PARD3: variants seen among roughly 807,000 people sequenced by gnomAD.
PARD3 encodes par-3 family cell polarity regulator, also known as partitioning defective 3 homolog.
Under a neutral mutation model 155.4 loss-of-function variants are expected in PARD3, and 75 were observed. That is an observed-to-expected ratio of 0.48 (90% CI 0.40 to 0.58). The LOEUF (loss-of-function observed/expected upper bound fraction) is 0.58. Among genes scored for constraint, PARD3 ranks in the 20% least tolerant of loss-of-function variants. The probability of loss-of-function intolerance (pLI) is 0.00; values close to 1 mark genes in which losing one functional copy is unlikely to be tolerated. For synonymous variants in PARD3, 576 were observed against 610.5 expected (o/e 0.94, Z 0.83); for missense variants, 1,642 against 1,721.7 (o/e 0.95, Z 0.82).
intron 1 of PARD3, among the ~76,000 whole-genome samples, chr10:34,772,261 A>G (rs989042599): frequency 6.6e-6 from 1 of 151,152 alleles, no homozygotes; most frequent in Non-Finnish European, 1.5e-5. Context: ...CGTCTCTACT[A>G]AAAATACAAA....
chr10:34,600,236 C>T, intron 2 of PARD3, among the ~76,000 whole-genome samples: 1 of 151,240 alleles, frequency 6.6e-6, no homozygotes, highest in East Asian at 1.9e-4. Context: ...GTCCTAGCTA[C>T]TCAGGAGGTT....
At chr10:34,707,238 C>T (rs560595658) in intron 1 of PARD3, among the ~76,000 whole-genome samples, 4 of 149,136 alleles carry the variant, frequency 2.7e-5, no homozygotes, top group Non-Finnish European at 5.9e-5. Flanking sequence ...GAGTGAGACC[C>T]TGTCTCAAAA....
chr10:34,666,285 C>T (rs1450484571), intron 2 of PARD3, among the ~76,000 whole-genome samples: 4 of 151,538 alleles, frequency 2.6e-5, no homozygotes. Context: ...TACTGAACTC[C>T]GGCATGTACA....
chr10:34,465,995 C>A (rs979732655), intron 4 of PARD3, among the ~76,000 whole-genome samples: 1 of 152,106 alleles, frequency 6.6e-6, no homozygotes, highest in East Asian at 1.9e-4. Context: ...GATTGAAATA[C>A]TCTTCCTCAG....
chr10:34,178,776 T>A (rs1395480631), intron 22 of PARD3, among the ~76,000 whole-genome samples: 2 of 152,186 alleles, frequency 1.3e-5, no homozygotes, highest in African/African-American at 4.8e-5. Context: ...TACAATAATT[T>A]TAACTTCCCA....
intron 7 of PARD3, among the ~76,000 whole-genome samples, chr10:34,385,469 A>G (rs1468537963): frequency 6.6e-6 from 1 of 152,176 alleles, no homozygotes; most frequent in African/African-American, 2.4e-5. Context: ...TCATGATATT[A>G]AAATTTTTAT....
chr10:34,139,878 G>T (rs946939493), intron 22 of PARD3, among the ~76,000 whole-genome samples: 1 of 152,166 alleles, frequency 6.6e-6, no homozygotes, highest in African/African-American at 2.4e-5. Flanking sequence ...AGAACTACCA[G>T]ATATTGACAC....
chr10:34,189,597 GAGTA>G (rs1030392022), intron 22 of PARD3, among the ~76,000 whole-genome samples: 5 of 152,190 alleles, frequency 3.3e-5, no homozygotes, highest in African/African-American at 9.6e-5. Flanking sequence ...TCCTGATCCT[GAGTA>G]AGTATCTTTT....
chr10:34,209,197 A>C (rs1951621862), intron 22 of PARD3, among the ~76,000 whole-genome samples: 1 of 152,228 alleles, frequency 6.6e-6, no homozygotes, highest in African/African-American at 2.4e-5. Flanking sequence ...AGAGATGAAC[A>C]GCACTTTCAC....
intron 2 of PARD3, among the ~76,000 whole-genome samples, chr10:34,526,653 G>A (rs574449612): frequency 9.9e-5 from 15 of 152,160 alleles, no homozygotes; most frequent in African/African-American, 2.9e-4. Context: ...TTGGTTCCAC[G>A]GGTGGGGAGC....
At chr10:34,341,870 C>A in intron 15 of PARD3, 54 bp from the exon 16 acceptor site, 1 of 1,091,204 alleles carries the variant, frequency 9.2e-7, no homozygotes, top group South Asian at 1.6e-5. Context: ...CAAAGTGTTA[C>A]ATCTATTAAT....
At chr10:34,658,771 G>A (rs941881266) in intron 2 of PARD3, among the ~76,000 whole-genome samples, 11 of 152,096 alleles carry the variant, frequency 7.2e-5, no homozygotes, top group East Asian at 5.8e-4. Flanking sequence ...CAAAGGAGAC[G>A]TCTCCTCGAA....
At chr10:34,437,336 C>T (rs2076240280) in intron 5 of PARD3, among the ~76,000 whole-genome samples, 2 of 152,062 alleles carry the variant, frequency 1.3e-5, no homozygotes, top group Admixed American at 1.3e-4. Context: ...AGAATATTTC[C>T]TCTGTATTTG....
rs1564405403 is a variant in PARD3 at position 34,605,583 on chromosome 10, ATATATCTCCTATATATATATATCTCC to A, written c.223-88450_223-88425del. The stretch of plus-strand genomic sequence containing the variant: ...TCCTATATATATATATATCTCCTAT[ATATATCTCCTATATATATATATCTCC>A]TATATATATATCTCCTATATATATA... On this transcript the variant is annotated intron_variant, in intron 2 of 24. Coordinates refer to ENST00000374788, the MANE Select transcript of PARD3 (RefSeq NM_001184785.2). 1.5e-3 allele frequency among the ~76,000 whole-genome samples: 107 copies of A among 69,628 alleles called. 11 individuals are homozygous for A. Among genetic ancestry groups the A allele is most frequent in the African/African-American group, 4.8e-3 (40 of 8,250 alleles). 45.7% of individuals were successfully genotyped at this position (69,628 alleles called of 152,430 possible). A position where few individuals can be genotyped will look rare whatever the true frequency, so the allele number is the denominator to read the frequency against.
At chr10:34,754,474 A>C (rs1365250225) in intron 1 of PARD3, among the ~76,000 whole-genome samples, 1 of 152,252 alleles carries the variant, frequency 6.6e-6, no homozygotes, top group East Asian at 1.9e-4. Flanking sequence ...CTTTAAAAGC[A>C]AGGATCATAT....
intron 5 of PARD3, among the ~76,000 whole-genome samples, chr10:34,425,995 G>A (rs961481450): frequency 6.6e-6 from 1 of 152,066 alleles, no homozygotes; most frequent in South Asian, 2.1e-4. Context: ...GGTATCTGAG[G>A]ACAGAGTTGA....
intron 5 of PARD3, among the ~76,000 whole-genome samples, chr10:34,406,666 T>C (rs1844510662): frequency 6.6e-6 from 1 of 152,138 alleles, no homozygotes; most frequent in South Asian, 2.1e-4. Context: ...TAGCTGCAAC[T>C]ACAAGTTTGC....
In PARD3 at chr10:34,284,101, T is replaced by C. The variant is rs535459409; in HGVS notation, c.3176+34A>G. On this transcript the variant is annotated intron_variant, in intron 21 of 24. Coordinates refer to ENST00000374788, the MANE Select transcript of PARD3 (RefSeq NM_001184785.2). Reference sequence around the variant, plus strand: ...GAAAGAAAAAAAAAAAGAACCTCTTTCTAAGGAGGTTTAATCAAGTAACTG... The same window carrying C: ...GAAAGAAAAAAAAAAAGAACCTCTTCCTAAGGAGGTTTAATCAAGTAACTG... 7.6e-6 allele frequency: 9 copies of C among 1,184,356 alleles called. No homozygotes were observed. In the South Asian group the frequency reaches 1.2e-4, roughly 16 times the overall value. The allele number at this position is 1,184,356 out of a possible 1,614,324, so 73.4% of individuals were successfully genotyped here.
chr10:34,682,586 T>C (rs1346576636), intron 2 of PARD3, among the ~76,000 whole-genome samples: 2 of 152,150 alleles, frequency 1.3e-5, no homozygotes, highest in Admixed American at 6.5e-5. Context: ...CCAGGTGCAG[T>C]GACTCACACC....
Sources: allele counts gnomAD v4.1 joint callset (sites outside exome capture counted in the v4.1 genomes callset), GRCh38; gene constraint gnomAD v4.1.1; transcripts MANE v1.5; gene names NCBI Gene and HGNC (gene_info 2026-07-23, HGNC 2026-07-21).